Variants in TF observed in about 807,000 individuals in gnomAD.
TF encodes serotransferrin.
In TF, 55 loss-of-function variants were observed where a neutral mutation model predicts 82.4. That is an observed-to-expected ratio of 0.67 (90% CI 0.54 to 0.84). The LOEUF is 0.84. TF is among the 40% of genes least tolerant of loss of function. TF has a pLI of 0.00. For missense variants in TF, 737 were observed against 868.4 expected (o/e 0.85, Z 1.90); for synonymous variants, 332 against 332.6 (o/e 1.00, Z 0.02).
Position 133,784,471 on chromosome 3 carries a change from A to AAAAAT in TF, c.*5853_*5854insAATAA, listed in dbSNP as rs763086171. On this transcript the variant is annotated 3_prime_UTR_variant, in exon 17 of 17. Coordinates refer to ENST00000402696, the MANE Select transcript of TF (RefSeq NM_001063.4). ...TCTTGTAAATTCCCATTTGTTAAAA[A>AAAAAT]AATAATAATAATAATAATAATAATA... is the stretch of plus-strand genomic sequence containing the variant. The AAAAAT allele has an allele frequency of 1.5e-4, 16 of 105,596 alleles. No homozygotes were observed. Among genetic ancestry groups the AAAAAT allele is most frequent in the African/African-American group, 5.6e-4 (15 of 26,606 alleles). The allele number at this position is 105,596 out of a possible 1,614,324, so 6.5% of individuals were successfully genotyped here.
At chr3:133,687,207 A>AG in the TF span, among the ~76,000 whole-genome samples, 1 of 151,966 alleles carries the variant, frequency 6.6e-6, no homozygotes, top group Admixed American at 6.6e-5. Flanking sequence ...GAGTGGGGGG[A>AG]GGGGAGAGGG....
Position 133,787,584 on chromosome 3 carries a change from G to A in TF, c.*8964G>A, listed in dbSNP as rs1934719492. On this transcript the variant is annotated 3_prime_UTR_variant, in exon 17 of 17. Transcript: ENST00000402696. The stretch of plus-strand genomic sequence containing the variant: ...TTGTAAATAGCTTTTAAAAACTGAT[G>A]GGAAATACTGTGTTTGCAAGTGGGA... 6.6e-6 allele frequency: 1 copy of A among 152,176 alleles called. No individual in the cohort carries two copies. Among genetic ancestry groups the A allele is most frequent in the South Asian group, 2.1e-4 (1 of 4,822 alleles). The allele number at this position is 152,176 out of a possible 1,614,324, so 9.4% of individuals were successfully genotyped here.
At chr3:133,724,423 T>C in the TF span, among the ~76,000 whole-genome samples, 1 of 152,266 alleles carries the variant, frequency 6.6e-6, no homozygotes, top group Non-Finnish European at 1.5e-5. Context: ...TGAGCATTTT[T>C]TCATGTGCCT....
chr3:133,699,990 A>G, the TF span: 2 of 174,980 alleles, frequency 1.1e-5, no homozygotes, highest in Non-Finnish European at 2.4e-5. Context: ...CCTCCTGACA[A>G]CTCTGCCAAC....
the TF span, among the ~76,000 whole-genome samples, chr3:133,673,858 T>C: frequency 1.8e-4 from 27 of 152,356 alleles, no homozygotes; most frequent in African/African-American, 6.3e-4. Flanking sequence ...CTTAAAATTG[T>C]ATTTAAATTC....
chr3:133,722,433 C>G, the TF span, among the ~76,000 whole-genome samples: 1 of 151,970 alleles, frequency 6.6e-6, no homozygotes, highest in Non-Finnish European at 1.5e-5. Context: ...TAGATAAGAA[C>G]TTACTCCTGA....
At chr3:133,738,521 TTC>T in the TF span, among the ~76,000 whole-genome samples, 1 of 152,172 alleles carries the variant, frequency 6.6e-6, no homozygotes, top group South Asian at 2.1e-4. Context: ...GGAAGTCAAA[TTC>T]TCTCTGTTTG....
At chr3:133,682,425 T>C in the TF span, among the ~76,000 whole-genome samples, 4 of 152,132 alleles carry the variant, frequency 2.6e-5, no homozygotes, top group African/African-American at 9.7e-5. Context: ...TAAAGAAGGA[T>C]GTTCAAACCC....
rs1459069118 is a variant in TF, at chr3:133,754,620, A to G, written c.451A>G (p.Ile151Val). 1.2e-6 allele frequency: 2 copies of G among 1,614,082 alleles called. No individual in the cohort carries two copies. Among genetic ancestry groups the G allele is most frequent in the Non-Finnish European group, 1.7e-6 (2 of 1,180,040 alleles). The change falls in exon 4 of 17, where the codon ATA becomes GTA. Residue 151 changes from isoleucine (I) to valine (V), a missense_variant. Transcript: ENST00000402696. ...CAGGTCCGCTGGGTGGAACATCCCC[A>G]TAGGCTTACTTTACTGTGACTTACC... ...LGRSAGWNIP[I>V]GLLYCDLPEP...
the TF span, among the ~76,000 whole-genome samples, chr3:133,733,247 T>G: frequency 6.6e-6 from 1 of 150,444 alleles, no homozygotes; most frequent in Middle Eastern, 3.4e-3. Flanking sequence ...CCCGAGCATC[T>G]ACTATCTCAC....
At chr3:133,717,599 A>G in the TF span, among the ~76,000 whole-genome samples, 1 of 152,192 alleles carries the variant, frequency 6.6e-6, no homozygotes, top group African/African-American at 2.4e-5. Context: ...CCCAATGCTC[A>G]GGAAGGGGGA....
the TF span, among the ~76,000 whole-genome samples, chr3:133,704,506 A>G: frequency 6.6e-6 from 1 of 152,268 alleles, no homozygotes; most frequent in East Asian, 1.9e-4. Flanking sequence ...CAAAGGAATC[A>G]GGCAGAAAGA....
At chr3:133,710,811 C>T in the TF span, among the ~76,000 whole-genome samples, 1 of 152,204 alleles carries the variant, frequency 6.6e-6, no homozygotes, top group Non-Finnish European at 1.5e-5. Context: ...CAACATTCTC[C>T]TGCAGCTCCT....
chr3:133,722,003 C>T, the TF span, among the ~76,000 whole-genome samples: 1 of 152,104 alleles, frequency 6.6e-6, no homozygotes, highest in Non-Finnish European at 1.5e-5. Flanking sequence ...CCTTAGTTTC[C>T]TGAGTAGCTG....
chr3:133,668,434 C>A, the TF span, among the ~76,000 whole-genome samples: 25 of 152,222 alleles, frequency 1.6e-4, 2 homozygotes, highest in South Asian at 5.2e-3. Flanking sequence ...ATCAGAACCC[C>A]CAATCGAGAG....
At chr3:133,694,140 A>T in the TF span, 5 of 152,402 alleles carry the variant, frequency 3.3e-5, no homozygotes, top group African/African-American at 7.3e-5. Context: ...AGTGAGGGCC[A>T]CTCTCTCGCA....
At position 133,782,167 on chromosome 3, in the gene TF, G is replaced by A. The variant is rs940453433; in HGVS notation, c.*3547G>A. Reference sequence around the variant, plus strand: ...ATTAATCATAAACGTGGATAAGGGTGAAGAGAACAGAAAACCTTTGTGCAT... The same window carrying A: ...ATTAATCATAAACGTGGATAAGGGTAAAGAGAACAGAAAACCTTTGTGCAT... On this transcript the variant is annotated 3_prime_UTR_variant, in exon 17 of 17. Coordinates refer to ENST00000402696, the MANE Select transcript of TF (RefSeq NM_001063.4). 2 of 152,182 alleles carry A rather than the reference G, an allele frequency of 1.3e-5. No homozygotes were observed. Among genetic ancestry groups the A allele is most frequent in the African/African-American group, 4.8e-5 (2 of 41,430 alleles). 9.4% of individuals were successfully genotyped at this position (152,182 alleles called of 1,614,324 possible).
Position 133,786,485 on chromosome 3 carries a change from A to G in TF, c.*7865A>G, listed in dbSNP as rs1375478096. 1 of 152,154 alleles carries G rather than the reference A, an allele frequency of 6.6e-6. No homozygotes were observed. The highest frequency in any genetic ancestry group is 2.4e-5 in the African/African-American group (1 of 41,436). 9.4% of individuals were successfully genotyped at this position (152,154 alleles called of 1,614,324 possible). On this transcript the variant is annotated 3_prime_UTR_variant, in exon 17 of 17. Transcript: ENST00000402696. Reference sequence around the variant, plus strand: ...ATGCCAATGTGCTTATAGTGAGGCAAGGTTAACCATTGTCTCATGCCTGGG... The same window carrying G: ...ATGCCAATGTGCTTATAGTGAGGCAGGGTTAACCATTGTCTCATGCCTGGG...
chr3:133,710,569 G>T, the TF span, among the ~76,000 whole-genome samples: 1 of 152,132 alleles, frequency 6.6e-6, no homozygotes, highest in African/African-American at 2.4e-5. Flanking sequence ...AACCATCAGA[G>T]AAGTTTCTCT....
Sources: allele counts gnomAD v4.1 joint callset (sites outside exome capture counted in the v4.1 genomes callset), GRCh38; gene constraint gnomAD v4.1.1; transcripts MANE v1.5; gene names NCBI Gene and HGNC (gene_info 2026-07-23, HGNC 2026-07-21).